The following ZFHX3 variants were observed in gnomAD, a reference collection of about 807,000 sequenced individuals.
The protein encoded by ZFHX3 is zinc finger homeobox protein 3.
ZFHX3 carries 42 observed loss-of-function variants against 279.1 expected under a neutral mutation model. The ratio of observed to expected loss-of-function variants is 0.15; its 90% CI spans 0.12 to 0.19. The LOEUF (loss-of-function observed/expected upper bound fraction) is 0.19. ZFHX3 is among the 10% of genes least tolerant of loss of function. The pLI is 1.00. For synonymous variants in ZFHX3, 2,293 were observed against 1,957.8 expected (o/e 1.17, Z -4.52); for missense variants, 4,981 against 4,754.0 (o/e 1.05, Z -1.40).
chr16:73,843,405 T>C (rs1472030303), intron 1 of ZFHX3, among the ~76,000 whole-genome samples: 1 of 152,224 alleles, frequency 6.6e-6, no homozygotes, highest in African/African-American at 2.4e-5. Context: ...AGAACTACTG[T>C]GGTTCACAAA....
intron 2 of ZFHX3, among the ~76,000 whole-genome samples, chr16:73,661,970 T>G (rs373772422): frequency 6.1e-5 from 9 of 147,198 alleles, no homozygotes; most frequent in South Asian, 2.2e-4. Flanking sequence ...TTCTTTTTTT[T>G]TTGTTTTTTT....
intron 1 of ZFHX3, among the ~76,000 whole-genome samples, chr16:73,840,155 C>T (rs1961264950): frequency 6.6e-6 from 1 of 152,090 alleles, no homozygotes; most frequent in East Asian, 1.9e-4. Flanking sequence ...ATGTATGACC[C>T]TAATGCTAAA....
intron 1 of ZFHX3, among the ~76,000 whole-genome samples, chr16:72,968,589 T>C (rs890090385): frequency 1.3e-5 from 2 of 151,730 alleles, no homozygotes; most frequent in South Asian, 2.1e-4. Context: ...GCCTCCTAAG[T>C]AGCTGGAACT....
intron 2 of ZFHX3, among the ~76,000 whole-genome samples, chr16:73,539,987 A>G (rs374813754): frequency 3.9e-5 from 6 of 152,358 alleles, no homozygotes; most frequent in African/African-American, 9.6e-5. Context: ...CATGTGTGCT[A>G]TGAAAGCAGA....
intron 3 of ZFHX3, among the ~76,000 whole-genome samples, chr16:73,395,845 C>T (rs1181317758): frequency 6.6e-6 from 1 of 152,072 alleles, no homozygotes; most frequent in South Asian, 2.1e-4. Flanking sequence ...TAATTACTTA[C>T]CTTAAGTGCA....
At chr16:72,878,245 A>G (rs1597337903) in intron 4 of ZFHX3, among the ~76,000 whole-genome samples, 1 of 152,346 alleles carries the variant, frequency 6.6e-6, no homozygotes, top group East Asian at 1.9e-4. Context: ...TCCAGCTGAC[A>G]TCTACTACAA....
At chr16:73,844,625 AGATGGGTAGAGGGATGGAAG>A (rs1961397539) in intron 1 of ZFHX3, among the ~76,000 whole-genome samples, 1 of 152,048 alleles carries the variant, frequency 6.6e-6, no homozygotes, top group South Asian at 2.1e-4. Flanking sequence ...GGGGATGGGA[AGATGGGTAGAGGGATGGAAG>A]GATGGACAGA....
intron 5 of ZFHX3, among the ~76,000 whole-genome samples, chr16:73,198,883 T>TA (rs1034093887): frequency 9.2e-5 from 14 of 152,314 alleles, no homozygotes; most frequent in Middle Eastern, 6.8e-3. Flanking sequence ...CTCCTTTTTA[T>TA]AAAAAATCAG....
At chr16:73,704,126 T>C (rs892579241) in intron 1 of ZFHX3, among the ~76,000 whole-genome samples, 14 of 152,306 alleles carry the variant, frequency 9.2e-5, no homozygotes, top group South Asian at 4.1e-4. Flanking sequence ...GGTATGGCCG[T>C]AAACAGAAAT....
At chr16:72,822,543 A>T (rs1030469952) in intron 5 of ZFHX3, among the ~76,000 whole-genome samples, 1 of 152,196 alleles carries the variant, frequency 6.6e-6, no homozygotes, top group Non-Finnish European at 1.5e-5. Context: ...TATTTTTTTT[A>T]AATAATCATG....
In ZFHX3 at chr16:72,785,731, A is replaced by G. The variant is rs369467449; in HGVS notation, c.*1433T>C. On this transcript the variant is annotated 3_prime_UTR_variant, in exon 10 of 10. Coordinates refer to ENST00000268489, the MANE Select transcript of ZFHX3 (RefSeq NM_006885.4). Reference sequence around the variant, plus strand: ...TTTAGAAAAGAAAAGTACACAGCCAATTACACAAATGGAAACAAATCCTTT... The same window carrying G: ...TTTAGAAAAGAAAAGTACACAGCCAGTTACACAAATGGAAACAAATCCTTT... The G allele has an allele frequency of 3.9e-5, 6 of 152,208 alleles. No homozygotes were observed. In the East Asian group the frequency reaches 7.7e-4, roughly 20 times the overall value. The allele number at this position is 152,208 out of a possible 1,614,324, so 9.4% of individuals were successfully genotyped here.
At chr16:73,452,608 T>G (rs2018296273) in intron 3 of ZFHX3, among the ~76,000 whole-genome samples, 1 of 152,194 alleles carries the variant, frequency 6.6e-6, no homozygotes, top group Non-Finnish European at 1.5e-5. Context: ...AGGTAAGAAT[T>G]TCTTGCAAAT....
intron 1 of ZFHX3, among the ~76,000 whole-genome samples, chr16:73,756,465 G>A (rs145193077): frequency 6.6e-6 from 1 of 152,088 alleles, no homozygotes; most frequent in African/African-American, 2.4e-5. Context: ...ACATGAGCTT[G>A]CGTCTGTCTT....
intron 1 of ZFHX3, among the ~76,000 whole-genome samples, chr16:73,039,597 G>C (rs772375920): frequency 6.6e-6 from 1 of 152,184 alleles, no homozygotes; most frequent in African/African-American, 2.4e-5. Context: ...CAATGCACAA[G>C]GTGGCCCACT....
chr16:72,983,806 G>A (rs1289117658), intron 1 of ZFHX3, among the ~76,000 whole-genome samples: 5 of 152,100 alleles, frequency 3.3e-5, no homozygotes, highest in Non-Finnish European at 7.4e-5. Flanking sequence ...ATCTGTCCTT[G>A]GAGCCCTTCC....
chr16:73,267,186 A>G (rs2014000915), intron 4 of ZFHX3, among the ~76,000 whole-genome samples: 1 of 152,120 alleles, frequency 6.6e-6, no homozygotes, highest in Non-Finnish European at 1.5e-5. Context: ...GCAGAAGGAG[A>G]AGGGGGTTCT....
chr16:73,580,484 CAAAAACAA>C (rs2051848781), intron 2 of ZFHX3, among the ~76,000 whole-genome samples: 1 of 124,464 alleles, frequency 8.0e-6, no homozygotes, highest in East Asian at 2.7e-4. Context: ...CTCAAAAAAA[CAAAAACAA>C]AAACAAACAA....
intron 2 of ZFHX3, among the ~76,000 whole-genome samples, chr16:73,588,878 G>T (rs1175008261): frequency 2.0e-5 from 3 of 151,944 alleles, no homozygotes; most frequent in Admixed American, 6.6e-5. Flanking sequence ...ACATGGAGAG[G>T]TCTAGACAGA....
intron 1 of ZFHX3, among the ~76,000 whole-genome samples, chr16:73,751,416 C>T (rs2053760908): frequency 6.6e-6 from 1 of 152,106 alleles, no homozygotes; most frequent in African/African-American, 2.4e-5. Flanking sequence ...ATCATCCATT[C>T]TAGTTTTTAA....
Sources: gnomAD v4.1 joint callset for allele counts (sites outside exome capture counted in the v4.1 genomes callset) on GRCh38, gnomAD v4.1.1 for gene constraint, MANE v1.5 for transcripts, NCBI Gene and HGNC (gene_info 2026-07-23, HGNC 2026-07-21) for gene names.